Variants in WWOX observed in about 807,000 individuals in gnomAD.
WWOX encodes WW domain-containing oxidoreductase.
A neutral mutation model predicts 46.2 loss-of-function variants in WWOX; 69 were observed. The ratio of observed to expected loss-of-function variants is 1.49; its 90% CI spans 1.23 to 1.82. The LOEUF is 1.82. Among genes scored for constraint, WWOX ranks in the 40% most tolerant of loss-of-function variants. The pLI is 0.00. For missense variants in WWOX, 919 were observed against 542.6 expected, an observed-to-expected ratio of 1.69 and a Z score of -6.89; for synonymous variants, 359 against 202.6, an observed-to-expected ratio of 1.77 and a Z score of -6.56.
intron 5 of WWOX, among the ~76,000 whole-genome samples, chr16:78,314,712 T>TTTTG (rs1555517910): frequency 0.016 from 2,169 of 138,522 alleles, 42 homozygotes; most frequent in South Asian, 0.029. Flanking sequence ...TTTTTTTTTT[T>TTTTG]TTTTTTTTTC....
intron 5 of WWOX, among the ~76,000 whole-genome samples, chr16:78,299,619 C>T (rs928285518): frequency 6.6e-6 from 1 of 151,696 alleles, no homozygotes; most frequent in African/African-American, 2.4e-5. Context: ...CCTCCACTTC[C>T]TAAGCTCAAG....
At chr16:78,564,637 T>C (rs2044520883) in intron 8 of WWOX, among the ~76,000 whole-genome samples, 1 of 152,176 alleles carries the variant, frequency 6.6e-6, no homozygotes, top group African/African-American at 2.4e-5. Flanking sequence ...ACCTCATATC[T>C]GAGAATATTC....
chr16:78,692,856 A>T (rs889123391), intron 8 of WWOX, among the ~76,000 whole-genome samples: 7 of 152,232 alleles, frequency 4.6e-5, no homozygotes, highest in Admixed American at 1.3e-4. Context: ...GTTTTTGGTG[A>T]ATAGGCCATG....
intron 8 of WWOX, among the ~76,000 whole-genome samples, chr16:78,544,989 C>T (rs984848198): frequency 1.3e-5 from 2 of 152,056 alleles, no homozygotes; most frequent in African/African-American, 4.8e-5. Context: ...CCAGCCTGGG[C>T]ACATAGTGAG....
chr16:78,769,502 A>G (rs2050010652), intron 8 of WWOX, among the ~76,000 whole-genome samples: 1 of 151,552 alleles, frequency 6.6e-6, no homozygotes, highest in Non-Finnish European at 1.5e-5. Context: ...GTAATTAACA[A>G]ATGTAATCCC....
chr16:79,117,190 T>A (rs1366750072), intron 8 of WWOX, among the ~76,000 whole-genome samples: 11 of 152,258 alleles, frequency 7.2e-5, no homozygotes. Context: ...TTTGTATTTT[T>A]AGTAGAGACA....
chr16:78,547,485 A>T (rs1010779557), intron 8 of WWOX, among the ~76,000 whole-genome samples: 2 of 152,170 alleles, frequency 1.3e-5, no homozygotes, highest in Non-Finnish European at 1.5e-5. Flanking sequence ...TGCTCTAGAC[A>T]CTGTATTAGT....
chr16:78,838,582 C>T (rs891341546), intron 8 of WWOX, among the ~76,000 whole-genome samples: 1 of 152,156 alleles, frequency 6.6e-6, no homozygotes, highest in Non-Finnish European at 1.5e-5. Flanking sequence ...TGGCTCACTC[C>T]TGTAATCCCA....
In WWOX at chr16:78,557,249, C is replaced by T. The variant is rs143048769; in HGVS notation, c.1056+124497C>T. 9.7e-4 allele frequency among the ~76,000 whole-genome samples: 147 copies of T among 152,160 alleles called. 4 individuals are homozygous for T. The East Asian group carries it at 0.023, about 24-fold the overall frequency. ...ATGATTATTATTATTTACCTTAAGA[C>T]CTGATTCTACCTATCTATGATCACA... On this transcript the variant is annotated intron_variant, in intron 8 of 8. Transcript: ENST00000566780.
chr16:79,097,256 C>T (rs1007099472), intron 8 of WWOX, among the ~76,000 whole-genome samples: 1 of 152,046 alleles, frequency 6.6e-6, no homozygotes. Flanking sequence ...ATTCCCAGGC[C>T]CTCATGCCTA....
At chr16:79,132,598 T>C (rs952941721) in intron 8 of WWOX, among the ~76,000 whole-genome samples, 2 of 152,182 alleles carry the variant, frequency 1.3e-5, no homozygotes, top group African/African-American at 4.8e-5. Flanking sequence ...TTTCTCTGTG[T>C]CTCTCTTTTT....
intron 8 of WWOX, among the ~76,000 whole-genome samples, chr16:78,746,146 T>C (rs1434845569): frequency 6.6e-6 from 1 of 152,056 alleles, no homozygotes; most frequent in East Asian, 1.9e-4. Context: ...TGATGAACCA[T>C]GGGTGGTTTG....
At chr16:78,857,772 C>A (rs1333509232) in intron 8 of WWOX, among the ~76,000 whole-genome samples, 1 of 152,120 alleles carries the variant, frequency 6.6e-6, no homozygotes, top group Non-Finnish European at 1.5e-5. Flanking sequence ...AAAAAGTTTT[C>A]CTTTACAGGA....
At chr16:78,126,188 G>C (rs1268321158) in intron 4 of WWOX, among the ~76,000 whole-genome samples, 11 of 152,228 alleles carry the variant, frequency 7.2e-5, no homozygotes, top group Non-Finnish European at 2.9e-5. Flanking sequence ...CTTTTTAATA[G>C]CTGTGGAATG....
intron 8 of WWOX, among the ~76,000 whole-genome samples, chr16:78,600,290 G>C (rs1225203221): frequency 6.6e-6 from 1 of 151,970 alleles, no homozygotes; most frequent in African/African-American, 2.4e-5. Context: ...CCATATCACA[G>C]GGTCACCTGT....
chr16:78,947,609 C>T (rs147478437), intron 8 of WWOX, among the ~76,000 whole-genome samples: 6 of 152,288 alleles, frequency 3.9e-5, no homozygotes, highest in East Asian at 1.9e-4. Flanking sequence ...TGTCTGTCCA[C>T]GCCACACTGT....
intron 8 of WWOX, among the ~76,000 whole-genome samples, chr16:79,066,255 C>G (rs555440094): frequency 6.6e-6 from 1 of 152,304 alleles, no homozygotes; most frequent in East Asian, 1.9e-4. Context: ...TCCATACCTC[C>G]TCTGGTTATC....
At chr16:78,265,264 G>T (rs2079338399) in intron 5 of WWOX, among the ~76,000 whole-genome samples, 1 of 151,840 alleles carries the variant, frequency 6.6e-6, no homozygotes, top group Non-Finnish European at 1.5e-5. Flanking sequence ...CAAAATGCTG[G>T]AATTACAGGC....
chr16:78,171,001 G>T (rs1381130175), intron 5 of WWOX, among the ~76,000 whole-genome samples: 1 of 152,186 alleles, frequency 6.6e-6, no homozygotes, highest in Non-Finnish European at 1.5e-5. Flanking sequence ...TTTTGTGGGA[G>T]TGAAGGGATA....
Sources: gnomAD v4.1 joint callset for allele counts (sites outside exome capture counted in the v4.1 genomes callset) on GRCh38, gnomAD v4.1.1 for gene constraint, MANE v1.5 for transcripts, NCBI Gene and HGNC (gene_info 2026-07-23, HGNC 2026-07-21) for gene names.